Variants in SRP54 observed in about 807,000 individuals in gnomAD.
The protein encoded by SRP54 is signal recognition particle subunit SRP54.
Under a neutral mutation model 64.8 loss-of-function variants are expected in SRP54, and 10 were observed. The observed-to-expected ratio is 0.15, with a 90% CI of 0.10 to 0.26. The LOEUF is 0.26. Ranked by LOEUF, SRP54 falls within the 10% of genes least tolerant of loss-of-function variation. The pLI is 1.00. For synonymous variants in SRP54, 193 were observed against 185.6 expected, an observed-to-expected ratio of 1.04 and a Z score of -0.32; for missense variants, 325 against 613.7, an observed-to-expected ratio of 0.53 and a Z score of 4.97.
At chr14:35,021,978 C>T (rs1047734559) in intron 13 of SRP54, among the ~76,000 whole-genome samples, 9 of 152,082 alleles carry the variant, frequency 5.9e-5, no homozygotes, top group African/African-American at 1.2e-4. Context: ...CAAACAACTG[C>T]GGGAATTAAT....
chr14:34,996,837 A>T, intron 2 of SRP54, 50 bp downstream of exon 2: 1 of 1,268,760 alleles, frequency 7.9e-7, no homozygotes, highest in East Asian at 2.3e-5. Flanking sequence ...TGTCACTAGC[A>T]TTGGGAAGAT....
At chr14:35,023,615 C>A (rs901039600) in intron 14 of SRP54, among the ~76,000 whole-genome samples, 1 of 152,000 alleles carries the variant, frequency 6.6e-6, no homozygotes, top group South Asian at 2.1e-4. Context: ...GAAACCCTGC[C>A]TCTACTTAAA....
At chr14:34,997,090 T>C (rs2044083679) in intron 2 of SRP54, among the ~76,000 whole-genome samples, 2 of 152,166 alleles carry the variant, frequency 1.3e-5, no homozygotes, top group South Asian at 4.1e-4. Flanking sequence ...ACTGTACTTT[T>C]GTTTTCTTTA....
At chr14:34,996,645 A>T (rs2044076896) in intron 1 of SRP54, 32 bp from the exon 2 acceptor site, 1 of 1,092,568 alleles carries the variant, frequency 9.2e-7, no homozygotes, top group African/African-American at 1.5e-5. Context: ...AGTGAAATTG[A>T]TTATTCTCAC....
intron 13 of SRP54, 129 bp from the exon 14 acceptor site, chr14:35,022,778 AAAG>A (rs1361672619): frequency 1.6e-6 from 1 of 607,726 alleles, no homozygotes; most frequent in Non-Finnish European, 2.5e-6. Context: ...TGTAATATAA[AAAG>A]AAAAATGAGA....
At chr14:35,013,516 G>T in intron 9 of SRP54, 22 bp downstream of exon 9, 5 of 1,610,744 alleles carry the variant, frequency 3.1e-6, no homozygotes, top group Non-Finnish European at 4.2e-6. Context: ...TGATACTGTT[G>T]TCCTCTGTCT....
chr14:35,007,075 C>T (rs1032279977), intron 4 of SRP54, among the ~76,000 whole-genome samples: 4 of 151,862 alleles, frequency 2.6e-5, no homozygotes, highest in East Asian at 1.9e-4. Flanking sequence ...TGCCTGTAGT[C>T]CCAGTTACTT....
chr14:34,984,217 A>G (rs2043857138), intron 1 of SRP54, among the ~76,000 whole-genome samples: 1 of 152,144 alleles, frequency 6.6e-6, no homozygotes, highest in South Asian at 2.1e-4. Flanking sequence ...GTCCCCATCT[A>G]TTTGGAAATT....
In SRP54 at chr14:35,007,644, A is replaced by T. The variant is rs1399650386; in HGVS notation, c.360+257A>T. On this transcript the variant is annotated intron_variant, in intron 5 of 15. Transcript: ENST00000216774. ...TTTATTAAAATATATTTATATTATA[A>T]TAAAATATATTTACATAAAATAGAT... 7.2e-4 allele frequency among the ~76,000 whole-genome samples: 31 copies of T among 43,274 alleles called. No individual in the cohort carries two copies. In the Admixed American group the frequency reaches 7.9e-3, roughly 11 times the overall value. 28.4% of individuals were successfully genotyped at this position (43,274 alleles called of 152,430 possible). A position where few individuals can be genotyped will look rare whatever the true frequency, so the allele number is the denominator to read the frequency against.
intron 1 of SRP54, among the ~76,000 whole-genome samples, chr14:34,987,576 G>A (rs182237995): frequency 6.6e-6 from 1 of 151,842 alleles, no homozygotes; most frequent in East Asian, 1.9e-4. Flanking sequence ...CTTATGTTTC[G>A]AAGATTAATC....
At chr14:34,985,309 T>G (rs2043877137) in intron 1 of SRP54, among the ~76,000 whole-genome samples, 1 of 152,312 alleles carries the variant, frequency 6.6e-6, no homozygotes, top group East Asian at 1.9e-4. Flanking sequence ...CCCTTTGACC[T>G]CTTCTCTATT....
intron 1 of SRP54, among the ~76,000 whole-genome samples, chr14:34,991,121 T>TGTTG (rs2043969416): frequency 7.6e-6 from 1 of 132,186 alleles, no homozygotes; most frequent in African/African-American, 2.7e-5. Context: ...TTTTTTTTTT[T>TGTTG]TTTTTTTTGT....
chr14:35,008,999 G>C (rs2044312233), intron 7 of SRP54, among the ~76,000 whole-genome samples, 168 bp downstream of exon 7: 1 of 147,910 alleles, frequency 6.8e-6, no homozygotes, highest in African/African-American at 2.5e-5. Flanking sequence ...TGATTCTCCT[G>C]TCTCAGCTTC....
intron 13 of SRP54, among the ~76,000 whole-genome samples, chr14:35,022,190 A>G (rs1200175428): frequency 6.6e-6 from 1 of 151,922 alleles, no homozygotes; most frequent in African/African-American, 2.4e-5. Flanking sequence ...TATACCTCTG[A>G]TGTTTGGAGG....
At chr14:35,009,593 G>C (rs947783971) in intron 7 of SRP54, among the ~76,000 whole-genome samples, 2 of 152,086 alleles carry the variant, frequency 1.3e-5, no homozygotes, top group Admixed American at 6.6e-5. Flanking sequence ...TTTTATGGAA[G>C]AGATTTGCCT....
chr14:34,997,030 T>TA (rs1402472915), intron 2 of SRP54: 1 of 393,410 alleles, frequency 2.5e-6, no homozygotes, highest in African/African-American at 2.1e-5. Flanking sequence ...GACCTTAACT[T>TA]ACATGTAAAA....
intron 1 of SRP54, among the ~76,000 whole-genome samples, chr14:34,996,455 T>C (rs563316854): frequency 6.6e-5 from 10 of 152,226 alleles, no homozygotes; most frequent in Non-Finnish European, 1.5e-4. Context: ...AATTTGCTGA[T>C]TCATATACAA....
rs2044559494 is a variant in SRP54, at chr14:35,022,994, C to T, written c.1241C>T (p.Thr414Ile). ...QRVARGSGVS[T>I]RDVQELLTQY... ...GTAGCAAGAGGATCGGGTGTATCAACAAGAGATGTTCAAGAACTTTTGACA... is the reference window on the plus strand; with the variant it reads ...GTAGCAAGAGGATCGGGTGTATCAATAAGAGATGTTCAAGAACTTTTGACA... The change falls in exon 14 of 16, where the codon ACA becomes ATA. Residue 414 changes from threonine (T) to isoleucine (I), a missense_variant. Physicochemically the swap from Thr to Ile is moderately conservative, Grantham distance 89 (BLOSUM62 -1). This residue lies in a region of SRP54 where 146 missense variants were observed against 337.4 expected (regional missense o/e 0.43). Transcript: ENST00000216774. 1 of 1,613,826 alleles carries T rather than the reference C, an allele frequency of 6.2e-7. No homozygotes were observed. The highest frequency in any genetic ancestry group is 8.5e-7 in the Non-Finnish European group (1 of 1,179,908).
At position 35,014,676 on chromosome 14, in the gene SRP54, A is replaced by C. The variant is rs13379372; in HGVS notation, c.887-68A>C. The C allele has an allele frequency of 0.19, 216,844 of 1,149,866 alleles. 22,136 individuals are homozygous for C. Among genetic ancestry groups the C allele is most frequent in the East Asian group, 0.34 (14,403 of 42,556 alleles). 71.2% of individuals were successfully genotyped at this position (1,149,866 alleles called of 1,614,324 possible). ...CCTCACAAGGTTATTATGTATGTGA[A>C]TGTGTTTTGTATAATGTGAAGCAGG... On this transcript the variant is annotated intron_variant, in intron 10 of 15. Transcript: ENST00000216774.
Sources: allele counts gnomAD v4.1 joint callset (sites outside exome capture counted in the v4.1 genomes callset), GRCh38; gene constraint gnomAD v4.1.1; regional missense constraint gnomAD v4.1.1; transcripts MANE v1.5; gene names NCBI Gene and HGNC (gene_info 2026-07-23, HGNC 2026-07-21).